CFAP74: variants seen among roughly 807,000 people sequenced by gnomAD.
CFAP74 encodes cilia- and flagella-associated protein 74.
Under a neutral mutation model 188.9 loss-of-function variants are expected in CFAP74, and 124 were observed. The ratio of observed to expected loss-of-function variants is 0.66; its 90% confidence interval spans 0.57 to 0.76. The LOEUF is 0.76. Among genes scored for constraint, CFAP74 ranks in the 30% least tolerant of loss-of-function variants. The probability of loss-of-function intolerance (pLI) is 0.00; values close to 1 mark genes in which losing one functional copy is unlikely to be tolerated. For missense variants in CFAP74, 2,198 were observed against 2,165.2 expected, an observed-to-expected ratio of 1.02 and a Z score of -0.30; for synonymous variants, 956 against 916.7, an observed-to-expected ratio of 1.04 and a Z score of -0.77.
chr1:1,981,720 G>A (rs374463315), intron 6 of CFAP74, among the ~76,000 whole-genome samples: 2 of 127,632 alleles, frequency 1.6e-5, no homozygotes, highest in South Asian at 2.5e-4. Context: ...ACCCAGCCGC[G>A]GACAGACACG....
intron 8 of CFAP74, 100 bp downstream of exon 8, chr1:1,972,837 A>G: frequency 4.7e-6 from 4 of 851,816 alleles, no homozygotes; most frequent in South Asian, 1.5e-5. Context: ...GCAAGGCTCC[A>G]TCTTAAATAA....
intron 16 of CFAP74, among the ~76,000 whole-genome samples, chr1:1,958,386 C>T (rs1654816165): frequency 6.6e-6 from 1 of 152,260 alleles, no homozygotes; most frequent in South Asian, 2.1e-4. Context: ...TCCCCACTGT[C>T]CTCTGGGAGA....
rs1653441573 is a variant in CFAP74, at chr1:1,942,354, A to G, written c.2487-198T>C. Among the ~76,000 whole-genome samples, 1 of 152,144 alleles carries G rather than the reference A, an allele frequency of 6.6e-6. No individual in the cohort carries two copies. Among genetic ancestry groups the G allele is most frequent in the Non-Finnish European group, 1.5e-5 (1 of 68,028 alleles). On this transcript the variant is annotated intron_variant, in intron 21 of 38. Transcript: ENST00000682832. The surrounding 1 kb of genome is among the most constrained non-coding windows in gnomAD (Gnocchi z 4.3). Reference sequence around the variant, plus strand: ...GCTTTGTAAGGGCTGTTTTTTCTGAAATGAAATCTGATGAAGAATTCTTAA... The same window carrying G: ...GCTTTGTAAGGGCTGTTTTTTCTGAGATGAAATCTGATGAAGAATTCTTAA...
At chr1:1,981,680 G>A (rs1169847088) in intron 6 of CFAP74, among the ~76,000 whole-genome samples, 1 of 118,946 alleles carries the variant, frequency 8.4e-6, no homozygotes, top group Admixed American at 8.4e-5. Context: ...AGGACACCCA[G>A]CCGCGGACAG....
intron 16 of CFAP74, among the ~76,000 whole-genome samples, chr1:1,958,447 G>A (rs563858355): frequency 6.6e-6 from 1 of 152,356 alleles, no homozygotes; most frequent in East Asian, 1.9e-4. Flanking sequence ...GACGGGGCTG[G>A]CCGCAGAGGG....
chr1:2,002,542 A>T (rs191861591), intron 1 of CFAP74, among the ~76,000 whole-genome samples: 1 of 151,056 alleles, frequency 6.6e-6, no homozygotes, highest in African/African-American at 2.4e-5. Flanking sequence ...TTAGCCAGGC[A>T]TGCTATAATC....
intron 16 of CFAP74, among the ~76,000 whole-genome samples, chr1:1,957,642 C>T (rs1273493129): frequency 1.3e-5 from 2 of 152,188 alleles, no homozygotes; most frequent in East Asian, 3.9e-4. Context: ...GCAGCTCTGG[C>T]CAGGACACCT....
In CFAP74 at chr1:1,968,837, C is replaced by T. The variant is rs375408864; in HGVS notation, c.1047-4G>A. On this transcript the variant is annotated splice_polypyrimidine_tract_variant and splice_region_variant and intron_variant, in intron 10 of 38. Transcript: ENST00000682832. This position sits in a 1 kb window ranked among gnomAD's most constrained non-coding sequence, Gnocchi z 4.3. ...CTTCTGCTCCTCCTCAAAGGCCCTG[C>T]GTGGAGTCGCTTCTCAGATGAGTGC... The T allele has an allele frequency of 7.3e-5, 118 of 1,613,560 alleles. No homozygotes were observed. In the Middle Eastern group the frequency reaches 1.2e-3, roughly 16 times the overall value.
intron 25 of CFAP74, among the ~76,000 whole-genome samples, chr1:1,933,763 G>C (rs1557995344): frequency 6.6e-6 from 1 of 152,116 alleles, no homozygotes; most frequent in Non-Finnish European, 1.5e-5. Flanking sequence ...GTTGAATATT[G>C]CATTTCTATT....
In CFAP74 at chr1:1,968,740, A is replaced by T. The variant is rs779394985; in HGVS notation, c.1140T>A (p.His380Gln). The T allele has an allele frequency of 1.2e-6, 2 of 1,613,678 alleles. No individual in the cohort carries two copies. The highest frequency in any genetic ancestry group is 2.7e-5 in the African/African-American group (2 of 74,854). ...GCCGGTGCCTGGCACTGGTGGGGGGATGCTGTTTCTTCCTCTTTTCCTCCT... is the reference window on the plus strand; with the variant it reads ...GCCGGTGCCTGGCACTGGTGGGGGGTTGCTGTTTCTTCCTCTTTTCCTCCT... The part of the protein sequence containing the change: ...EAEEEKRKKQ[H>Q]PPTSARHRLT... The change falls in exon 11 of 39, where the codon CAT (histidine) becomes CAA (glutamine). Residue 380 changes from histidine to glutamine, a missense_variant. His to Gln is a conservative substitution (Grantham distance 24). Coordinates refer to ENST00000682832, the MANE Select transcript of CFAP74 (RefSeq NM_001304360.2). This position sits in a 1 kb window ranked among gnomAD's most constrained non-coding sequence, Gnocchi z 4.3.
At chr1:1,936,148 CA>C (rs1652874014) in intron 25 of CFAP74, among the ~76,000 whole-genome samples, 1 of 147,762 alleles carries the variant, frequency 6.8e-6, no homozygotes, top group Non-Finnish European at 1.5e-5. Context: ...ACCTGGGAGG[CA>C]GAGGTTGTGG....
chr1:1,995,489 C>T (rs1265847640), intron 1 of CFAP74, among the ~76,000 whole-genome samples: 1 of 104,226 alleles, frequency 9.6e-6, no homozygotes, highest in Non-Finnish European at 1.7e-5. Context: ...GAGACTCAGT[C>T]TCAAAAAAAA....
chr1:1,941,893 T>C, intron 22 of CFAP74, 135 bp downstream of exon 22: 1 of 959,536 alleles, frequency 1.0e-6, no homozygotes. Flanking sequence ...TCATGGCCTC[T>C]GCCCCAGAAC....
chr1:1,923,440 C>G lies in CFAP74; in HGVS notation c.4449G>C (p.Glu1483Asp). ...CGGGCACGTCCAGGGGGTCGCCGCC[C>G]TCCACGAACATCATGTGCTGACAGG... ...GAACQHMMFV[E>D]GGDPLDVPVE... The change falls in exon 36 of 39, where the codon GAG becomes GAC. Residue 1483 changes from glutamate (E) to aspartate (D), a missense_variant. By Grantham distance (45) the Glu-to-Asp change is conservative. Transcript: ENST00000682832. The surrounding 1 kb of genome is among the most constrained non-coding windows in gnomAD (Gnocchi z 6.3). 1.2e-6 allele frequency: 2 copies of G among 1,610,096 alleles called. No homozygotes were observed. Among genetic ancestry groups the G allele is most frequent in the Non-Finnish European group, 1.7e-6 (2 of 1,178,968 alleles).
rs187911318 is a variant in CFAP74 at position 1,979,592 on chromosome 1, G to A, written c.501-5394C>T. ...CGTGACGAGGCTGCGCAGAACATGC[G>A]TGTGGTACTGAGCTGGGTGTGGGAA... On this transcript the variant is annotated intron_variant, in intron 6 of 38. Transcript: ENST00000682832. 3.7e-4 allele frequency among the ~76,000 whole-genome samples: 49 copies of A among 132,052 alleles called. 6 individuals are homozygous for A. The highest frequency in any genetic ancestry group is 1.3e-3 in the African/African-American group (47 of 36,634). The allele number at this position is 132,052 out of a possible 152,430, so 86.6% of individuals were successfully genotyped here. A position where few individuals can be genotyped will look rare whatever the true frequency, so the allele number is the denominator to read the frequency against.
chr1:1,946,926 G>T, intron 19 of CFAP74, 64 bp downstream of exon 19: 1 of 1,304,350 alleles, frequency 7.7e-7, no homozygotes, highest in Non-Finnish European at 1.1e-6. Flanking sequence ...GTGCAGCTGG[G>T]GCTGGGGGAA....
At chr1:1,991,994 C>T (rs1380883825) in intron 1 of CFAP74, among the ~76,000 whole-genome samples, 6 of 147,844 alleles carry the variant, frequency 4.1e-5, no homozygotes, top group South Asian at 4.3e-4. Flanking sequence ...GAGCCGAGAT[C>T]GCGCCACTGC....
At chr1:1,991,865 C>T (rs145486985) in intron 1 of CFAP74, among the ~76,000 whole-genome samples, 2,617 of 151,756 alleles carry the variant, frequency 0.017, 25 homozygotes, top group African/African-American at 0.032. Context: ...CAGTGAAACC[C>T]CATCTCTACT....
rs1401442209 is a variant in CFAP74, at chr1:1,942,750, T to C, written c.2487-594A>G. On this transcript the variant is annotated intron_variant, in intron 21 of 38. Coordinates refer to ENST00000682832, the MANE Select transcript of CFAP74 (RefSeq NM_001304360.2). This position sits in a 1 kb window ranked among gnomAD's most constrained non-coding sequence, Gnocchi z 4.3. ...CTCAGGACCACCTGGAGCCTCCCTG[T>C]TCCCACAGTGAAGCCTCCCTCCCCT... 6.6e-6 allele frequency among the ~76,000 whole-genome samples: 1 copy of C among 152,106 alleles called. No individual in the cohort carries two copies. Among genetic ancestry groups the C allele is most frequent in the Non-Finnish European group, 1.5e-5 (1 of 67,998 alleles).
Sources: allele counts gnomAD v4.1 joint callset (sites outside exome capture counted in the v4.1 genomes callset), GRCh38; gene constraint gnomAD v4.1.1; non-coding constraint Gnocchi (gnomAD v3.1); transcripts MANE v1.5; gene names NCBI Gene and HGNC (gene_info 2026-07-23, HGNC 2026-07-21).